DTL: variants seen among roughly 807,000 people sequenced by gnomAD.
The protein encoded by DTL is denticleless E3 ubiquitin protein ligase adapter.
A neutral mutation model predicts 87.0 loss-of-function variants in DTL; 46 were observed. That is an observed-to-expected ratio of 0.53 (90% CI 0.42 to 0.68). DTL has a LOEUF of 0.68. Ranked by LOEUF, DTL falls within the 30% of genes least tolerant of loss-of-function variation. The pLI is 0.00. For missense variants in DTL, 737 were observed against 869.4 expected, an observed-to-expected ratio of 0.85 and a Z score of 1.91; for synonymous variants, 308 against 311.2, an observed-to-expected ratio of 0.99 and a Z score of 0.11.
chr1:212,047,753 C>T (rs1256127702), intron 5 of DTL, among the ~76,000 whole-genome samples: 1 of 152,192 alleles, frequency 6.6e-6, no homozygotes, highest in Non-Finnish European at 1.5e-5. Flanking sequence ...CCAGGCTGGT[C>T]TAGAACTCCT....
Position 212,103,427 on chromosome 1 carries a change from C to G in DTL, c.*487C>G, listed in dbSNP as rs1000100761. 2 of 152,220 alleles carry G rather than the reference C, an allele frequency of 1.3e-5. No homozygotes were observed. Among genetic ancestry groups the G allele is most frequent in the African/African-American group, 4.8e-5 (2 of 41,442 alleles). The allele number at this position is 152,220 out of a possible 1,614,324, so 9.4% of individuals were successfully genotyped here. The stretch of plus-strand genomic sequence containing the variant: ...TATAATTTTATTTGAAATACATAAT[C>G]TTTTCACTATGCTTTTGTGGGGTTT... On this transcript the variant is annotated 3_prime_UTR_variant, in exon 15 of 15. Coordinates refer to ENST00000366991, the MANE Select transcript of DTL (RefSeq NM_016448.4).
intron 13 of DTL, among the ~76,000 whole-genome samples, chr1:212,090,602 A>C (rs1309296358): frequency 6.6e-6 from 1 of 152,234 alleles, no homozygotes; most frequent in Non-Finnish European, 1.5e-5. Context: ...CATGAAGTTC[A>C]TAAAAATTTG....
At position 212,102,988 on chromosome 1, in the gene DTL, G is replaced by A. The variant is rs770792233; in HGVS notation, c.*48G>A. On this transcript the variant is annotated 3_prime_UTR_variant, in exon 15 of 15. Coordinates refer to ENST00000366991, the MANE Select transcript of DTL (RefSeq NM_016448.4). ...GAGCTTTGGTCCACTAAAACAAGCT[G>A]AGCTTTGGTCCACTAAAACAAGATG... The A allele has an allele frequency of 1.7e-6, 2 of 1,156,452 alleles. No homozygotes were observed. The highest frequency in any genetic ancestry group is 2.0e-5 in the Admixed American group (1 of 50,564). 71.6% of individuals were successfully genotyped at this position (1,156,452 alleles called of 1,614,324 possible). A position where few individuals can be genotyped will look rare whatever the true frequency, so the allele number is the denominator to read the frequency against.
intron 13 of DTL, among the ~76,000 whole-genome samples, chr1:212,088,991 CAGG>C (rs113105542): frequency 0.02 from 3,086 of 152,284 alleles, 33 homozygotes; most frequent in African/African-American, 0.026. Flanking sequence ...GAGGCTGAGG[CAGG>C]AGAATTGTTT....
intron 13 of DTL, among the ~76,000 whole-genome samples, chr1:212,094,262 G>A (rs889182236): frequency 1.3e-5 from 2 of 152,082 alleles, no homozygotes; most frequent in Non-Finnish European, 2.9e-5. Context: ...TGGTCCATCT[G>A]GAGTTGATTT....
chr1:212,046,964 CTT>C (rs1260239406), intron 3 of DTL, among the ~76,000 whole-genome samples, 185 bp from the exon 4 acceptor site: 1 of 152,138 alleles, frequency 6.6e-6, no homozygotes, highest in East Asian at 1.9e-4. Context: ...TGTTTCTTGA[CTT>C]TTTAAATAAT....
At chr1:212,047,001 A>G (rs778685079) in intron 3 of DTL, 150 bp from the exon 4 acceptor site, 41 of 676,892 alleles carry the variant, frequency 6.1e-5, no homozygotes, top group Non-Finnish European at 9.3e-5. Flanking sequence ...ACGTGAAATG[A>G]TATCTCATTG....
chr1:212,101,160 G>GTT, intron 14 of DTL, 76 bp downstream of exon 14: 1 of 748,400 alleles, frequency 1.3e-6, no homozygotes, highest in Non-Finnish European at 1.8e-6. Flanking sequence ...AAGTCAGGAT[G>GTT]CTTTTTTTTT....
At position 212,044,767 on chromosome 1, in the gene DTL, A is replaced by G. The variant is rs376385107; in HGVS notation, c.277+9A>G. On this transcript the variant is annotated intron_variant, in intron 3 of 14. Coordinates refer to ENST00000366991, the MANE Select transcript of DTL (RefSeq NM_016448.4). ...AAAGAAGTGCTTCAAAGGTAAGTCT[A>G]GGTCTACAATTTTTGTTTTAACATT... is the stretch of plus-strand genomic sequence containing the variant. The G allele has an allele frequency of 2.4e-5, 38 of 1,562,550 alleles. No homozygotes were observed. The African/African-American group carries it at 4.8e-4, about 20-fold the overall frequency.
intron 11 of DTL, among the ~76,000 whole-genome samples, chr1:212,077,015 ATCAG>A (rs935597716): frequency 1.1e-4 from 16 of 152,156 alleles, no homozygotes; most frequent in Admixed American, 1.0e-3. Flanking sequence ...GAATAACCTT[ATCAG>A]TCAGTGTGTC....
chr1:212,091,647 T>C (rs892749453), intron 13 of DTL, among the ~76,000 whole-genome samples: 10 of 152,300 alleles, frequency 6.6e-5, no homozygotes, highest in African/African-American at 2.4e-4. Context: ...ACAACAGGGA[T>C]GAACCTGAAA....
At position 212,072,094 on chromosome 1, in the gene DTL, CT is replaced by C; in HGVS notation, c.923-6del. ...AGCCAAGTAATTTGGTTTTTTTCCT[CT>C]GGCAGTGGCTATTTTCAATGGACAC... On this transcript the variant is annotated splice_region_variant and splice_polypyrimidine_tract_variant and intron_variant, in intron 10 of 14. Transcript: ENST00000366991. 1 of 1,610,614 alleles carries C rather than the reference CT, an allele frequency of 6.2e-7. No homozygotes were observed. The highest frequency in any genetic ancestry group is 1.3e-5 in the African/African-American group (1 of 74,860).
In DTL at chr1:212,104,034, G is replaced by A. The variant is rs1359932697; in HGVS notation, c.*1094G>A. On this transcript the variant is annotated 3_prime_UTR_variant, in exon 15 of 15. Transcript: ENST00000366991. ...AGATATTTAATACAGAGAGTGTATAGACTGACTCTAAGTTAATAATGTGCA... is the reference window on the plus strand; with the variant it reads ...AGATATTTAATACAGAGAGTGTATAAACTGACTCTAAGTTAATAATGTGCA... 1 of 152,294 alleles carries A rather than the reference G, an allele frequency of 6.6e-6. No individual in the cohort carries two copies. 9.4% of individuals were successfully genotyped at this position (152,294 alleles called of 1,614,324 possible).
intron 13 of DTL, among the ~76,000 whole-genome samples, chr1:212,081,817 A>C (rs1007782227): frequency 2.6e-4 from 40 of 152,352 alleles, no homozygotes; most frequent in African/African-American, 9.1e-4. Context: ...ATATCCCTGC[A>C]GGAAGAGCAA....
chr1:212,099,333 A>T (rs1339671693), intron 13 of DTL, among the ~76,000 whole-genome samples: 1 of 152,178 alleles, frequency 6.6e-6, no homozygotes, highest in Non-Finnish European at 1.5e-5. Context: ...TCCCAGGTTC[A>T]AGCAACTCTT....
intron 5 of DTL, among the ~76,000 whole-genome samples, chr1:212,060,198 G>T (rs1668300682): frequency 6.6e-6 from 1 of 152,108 alleles, no homozygotes; most frequent in Non-Finnish European, 1.5e-5. Context: ...GAGCCAAAAA[G>T]AACCCAAATG....
intron 13 of DTL, among the ~76,000 whole-genome samples, chr1:212,091,729 A>AGC (rs1285275221): frequency 2.6e-5 from 4 of 152,218 alleles, no homozygotes; most frequent in African/African-American, 9.6e-5. Context: ...TGGAATCTTA[A>AGC]AAAGTTGAAC....
At chr1:212,046,546 G>A (rs951763541) in intron 3 of DTL, among the ~76,000 whole-genome samples, 3 of 152,106 alleles carry the variant, frequency 2.0e-5, no homozygotes, top group East Asian at 3.8e-4. Context: ...ACGGTGTTTG[G>A]TTTTCTGTTT....
intron 13 of DTL, among the ~76,000 whole-genome samples, chr1:212,084,319 G>T (rs1355230267): frequency 6.6e-6 from 1 of 151,498 alleles, no homozygotes; most frequent in Non-Finnish European, 1.5e-5. Context: ...CTGAGTAGCT[G>T]GAATTACAGG....
Sources: gnomAD v4.1 joint callset for allele counts (sites outside exome capture counted in the v4.1 genomes callset) on GRCh38, gnomAD v4.1.1 for gene constraint, MANE v1.5 for transcripts, NCBI Gene and HGNC (gene_info 2026-07-23, HGNC 2026-07-21) for gene names.